Variants in TMEM132C observed in about 807,000 individuals in gnomAD.
TMEM132C encodes the protein protein phosphatase 1, regulatory subunit 152.
A neutral mutation model predicts 61.4 loss-of-function variants in TMEM132C; 29 were observed. That is an observed-to-expected ratio of 0.47 (90% confidence interval 0.35 to 0.64). TMEM132C has a LOEUF of 0.64. Among genes scored for constraint, TMEM132C ranks in the 30% least tolerant of loss-of-function variants. The pLI, the probability that TMEM132C is intolerant of heterozygous loss-of-function variation, is 0.00. For synonymous variants in TMEM132C, 656 were observed against 633.1 expected (o/e 1.04, Z -0.54); for missense variants, 1,408 against 1,476.9 (o/e 0.95, Z 0.76).
intron 1 of TMEM132C, among the ~76,000 whole-genome samples, chr12:128,405,360 A>G (rs943289590): frequency 8.5e-5 from 13 of 152,160 alleles, no homozygotes; most frequent in Non-Finnish European, 1.9e-4. Context: ...GTGGGTGCAG[A>G]TGGACCCTGC....
intron 1 of TMEM132C, among the ~76,000 whole-genome samples, chr12:128,369,722 G>A (rs182996970): frequency 5.1e-4 from 78 of 152,334 alleles, no homozygotes; most frequent in African/African-American, 1.3e-3. Flanking sequence ...CATGTGTCCT[G>A]TTCAGTGGTT....
At chr12:128,458,387 A>G (rs1870419668) in intron 2 of TMEM132C, among the ~76,000 whole-genome samples, 1 of 151,494 alleles carries the variant, frequency 6.6e-6, no homozygotes, top group Non-Finnish European at 1.5e-5. Flanking sequence ...AATGATTTGG[A>G]CAAAATACAA....
chr12:128,500,810 A>G (rs1337641464), intron 2 of TMEM132C, among the ~76,000 whole-genome samples: 2 of 152,246 alleles, frequency 1.3e-5, no homozygotes, highest in African/African-American at 2.4e-5. Context: ...CACATGATTT[A>G]GTAGTTCTAC....
chr12:128,355,409 C>T (rs1215703064), intron 1 of TMEM132C, among the ~76,000 whole-genome samples: 1 of 152,112 alleles, frequency 6.6e-6, no homozygotes, highest in Non-Finnish European at 1.5e-5. Flanking sequence ...TCAAAGCTGG[C>T]ACATGGGCCT....
intron 2 of TMEM132C, among the ~76,000 whole-genome samples, chr12:128,483,508 G>A (rs917088665): frequency 5.3e-5 from 8 of 152,132 alleles, no homozygotes; most frequent in Admixed American, 5.2e-4. Context: ...TCCACCATTC[G>A]ATACCTCTGT....
intron 1 of TMEM132C, among the ~76,000 whole-genome samples, chr12:128,353,493 A>C (rs1046819457): frequency 6.6e-6 from 1 of 152,322 alleles, no homozygotes; most frequent in Non-Finnish European, 1.5e-5. Context: ...GCGTTCTCCC[A>C]TGGTGTTTTC....
intron 3 of TMEM132C, among the ~76,000 whole-genome samples, chr12:128,582,649 A>G (rs900344605): frequency 2.6e-5 from 4 of 152,016 alleles, no homozygotes; most frequent in African/African-American, 4.8e-5. Context: ...CTGCTGTTGC[A>G]TCTTCCTCAT....
intron 1 of TMEM132C, among the ~76,000 whole-genome samples, chr12:128,294,627 A>T (rs1016627613): frequency 6.6e-6 from 1 of 152,212 alleles, no homozygotes; most frequent in African/African-American, 2.4e-5. Context: ...GAGATCCAAG[A>T]TCAGGACACC....
At chr12:128,457,562 C>A (rs560399643) in intron 2 of TMEM132C, among the ~76,000 whole-genome samples, 2 of 145,262 alleles carry the variant, frequency 1.4e-5, no homozygotes, top group Non-Finnish European at 3.0e-5. Context: ...GGTGACAGAG[C>A]GAGACTCCAT....
At chr12:128,631,691 G>T (rs1044684596) in intron 4 of TMEM132C, among the ~76,000 whole-genome samples, 6 of 152,144 alleles carry the variant, frequency 3.9e-5, no homozygotes, top group African/African-American at 1.4e-4. Flanking sequence ...TTGGTTCCAG[G>T]TGCCTGAACA....
At chr12:128,558,200 T>C (rs1217480767) in intron 3 of TMEM132C, among the ~76,000 whole-genome samples, 1 of 152,162 alleles carries the variant, frequency 6.6e-6, no homozygotes, top group Non-Finnish European at 1.5e-5. Flanking sequence ...GTACAGAATA[T>C]CTTGCATTAT....
At chr12:128,473,777 C>A (rs989257509) in intron 2 of TMEM132C, among the ~76,000 whole-genome samples, 6 of 151,970 alleles carry the variant, frequency 3.9e-5, no homozygotes, top group Non-Finnish European at 7.4e-5. Flanking sequence ...CTGCTCCCAG[C>A]CTCTTCTTTG....
At chr12:128,398,719 G>A (rs1351506824) in intron 1 of TMEM132C, among the ~76,000 whole-genome samples, 2 of 152,098 alleles carry the variant, frequency 1.3e-5, no homozygotes, top group Admixed American at 6.6e-5. Context: ...GGATAATAAA[G>A]ATACTTCACG....
At chr12:128,671,706 C>T (rs780434958) in intron 5 of TMEM132C, among the ~76,000 whole-genome samples, 1 of 152,178 alleles carries the variant, frequency 6.6e-6, no homozygotes, top group Non-Finnish European at 1.5e-5. Flanking sequence ...CATCACACAG[C>T]GACGTCCACA....
chr12:128,577,740 A>G (rs1186400477), intron 3 of TMEM132C, among the ~76,000 whole-genome samples: 1 of 152,254 alleles, frequency 6.6e-6, no homozygotes, highest in Non-Finnish European at 1.5e-5. Context: ...CAAAGAGAGC[A>G]GTGGCCTTTA....
intron 2 of TMEM132C, among the ~76,000 whole-genome samples, chr12:128,445,365 T>C (rs367778102): frequency 6.6e-6 from 1 of 152,222 alleles, no homozygotes; most frequent in Non-Finnish European, 1.5e-5. Context: ...TTGCCTCTCC[T>C]GTGGTTGTGT....
chr12:128,298,525 G>A (rs76543403), intron 1 of TMEM132C, among the ~76,000 whole-genome samples: 3 of 152,048 alleles, frequency 2.0e-5, no homozygotes, highest in African/African-American at 4.8e-5. Flanking sequence ...ACGTAACTAC[G>A]GTACGTACGA....
At chr12:128,520,094 C>T (rs567361017) in intron 2 of TMEM132C, among the ~76,000 whole-genome samples, 1 of 152,328 alleles carries the variant, frequency 6.6e-6, no homozygotes, top group Non-Finnish European at 1.5e-5. Flanking sequence ...CCTCTGCCCT[C>T]GCCAACTTTA....
chr12:128,311,239 T>C (rs1181380174), intron 1 of TMEM132C, among the ~76,000 whole-genome samples: 1 of 152,248 alleles, frequency 6.6e-6, no homozygotes, highest in South Asian at 2.1e-4. Flanking sequence ...TCTGACAAGA[T>C]AAGATCCGTA....
Sources: allele counts gnomAD v4.1 joint callset (sites outside exome capture counted in the v4.1 genomes callset), GRCh38; gene constraint gnomAD v4.1.1; transcripts MANE v1.5; gene names NCBI Gene and HGNC (gene_info 2026-07-23, HGNC 2026-07-21).